The following NOX3 variants were observed in gnomAD, a reference collection of about 807,000 sequenced individuals.
The protein encoded by NOX3 is NADPH oxidase 3.
Under a neutral mutation model 76.7 loss-of-function variants are expected in NOX3, and 74 were observed. The observed-to-expected ratio is 0.96, with a 90% CI of 0.80 to 1.17. The LOEUF is 1.17. NOX3 is among the 50% of genes most tolerant of loss of function. NOX3 has a pLI of 0.00. For missense variants in NOX3, 695 were observed against 703.3 expected (o/e 0.99, Z 0.13); for synonymous variants, 263 against 261.1 (o/e 1.01, Z -0.07).
intron 6 of NOX3, among the ~76,000 whole-genome samples, chr6:155,439,355 G>A (rs1247407600): frequency 6.6e-6 from 1 of 152,184 alleles, no homozygotes; most frequent in Non-Finnish European, 1.5e-5. Flanking sequence ...CTAGCTTCCT[G>A]AAGAAGAGAT....
intron 10 of NOX3, among the ~76,000 whole-genome samples, chr6:155,417,950 T>C (rs1413780159): frequency 6.6e-6 from 1 of 152,206 alleles, no homozygotes; most frequent in Non-Finnish European, 1.5e-5. Flanking sequence ...ATTATGGAGC[T>C]GATGAAGGAA....
At chr6:155,422,138 G>A (rs531366660) in intron 10 of NOX3, among the ~76,000 whole-genome samples, 6 of 152,182 alleles carry the variant, frequency 3.9e-5, no homozygotes, top group South Asian at 2.1e-4. Context: ...GAGGGTCCAA[G>A]TATCGGATGG....
intron 4 of NOX3, 24 bp from the exon 5 acceptor site, chr6:155,443,442 A>C (rs756053854): frequency 1.2e-6 from 2 of 1,609,898 alleles, no homozygotes; most frequent in East Asian, 4.5e-5. Flanking sequence ...ATGACACCAA[A>C]CATGCACCCT....
At chr6:155,453,947 A>G (rs1047916417) in intron 3 of NOX3, among the ~76,000 whole-genome samples, 3 of 152,206 alleles carry the variant, frequency 2.0e-5, no homozygotes, top group Non-Finnish European at 4.4e-5. Flanking sequence ...CCACTGCAAT[A>G]AAGCAAATAT....
rs775671196 is a variant in NOX3 at position 155,436,401 on chromosome 6, C to G, written c.798+17G>C. 1.2e-6 allele frequency: 2 copies of G among 1,613,778 alleles called. No homozygotes were observed. Among genetic ancestry groups the G allele is most frequent in the South Asian group, 2.2e-5 (2 of 91,056 alleles). On this transcript the variant is annotated intron_variant, in intron 7 of 13. Transcript: ENST00000159060. ...GTGGTGACATTTATTTTTAAAAGCTCCTGGGTTCATTCTTACCGAGGGTTC... is the reference window on the plus strand; with the variant it reads ...GTGGTGACATTTATTTTTAAAAGCTGCTGGGTTCATTCTTACCGAGGGTTC...
intron 10 of NOX3, among the ~76,000 whole-genome samples, chr6:155,416,875 C>G (rs950665296): frequency 1.3e-5 from 2 of 151,700 alleles, no homozygotes; most frequent in Admixed American, 6.6e-5. Flanking sequence ...CTCAGCCTCC[C>G]GAGTAGCTGG....
chr6:155,397,715 C>T (rs1198421252), intron 12 of NOX3, among the ~76,000 whole-genome samples: 2 of 152,152 alleles, frequency 1.3e-5, no homozygotes, highest in African/African-American at 2.4e-5. Context: ...TTAGTTATCA[C>T]TAATATCCTG....
At chr6:155,400,162 C>G (rs1458042053) in intron 12 of NOX3, among the ~76,000 whole-genome samples, 1 of 152,180 alleles carries the variant, frequency 6.6e-6, no homozygotes, top group Non-Finnish European at 1.5e-5. Flanking sequence ...TTCAGCGATG[C>G]CATGCATGAA....
chr6:155,439,950 A>G lies in NOX3; in HGVS notation c.668+6T>C, dbSNP rs1179292756. The G allele has an allele frequency of 5.0e-6, 8 of 1,612,798 alleles. No individual in the cohort carries two copies. The highest frequency in any genetic ancestry group is 6.8e-6 in the Non-Finnish European group (8 of 1,179,504). The stretch of plus-strand genomic sequence containing the variant: ...ATCCTTGCAGAGGAGCGCAGTATGG[A>G]CTTACCCCGTCCCATGGATGGCCAG... On this transcript the variant is annotated splice_donor_region_variant and intron_variant, in intron 6 of 13. Transcript: ENST00000159060.
At chr6:155,404,867 A>T (rs1776424461) in intron 12 of NOX3, among the ~76,000 whole-genome samples, 1 of 152,010 alleles carries the variant, frequency 6.6e-6, no homozygotes, top group Non-Finnish European at 1.5e-5. Context: ...GATGGTTATG[A>T]ATCTTGGACA....
At chr6:155,427,149 A>G (rs1440933849) in intron 9 of NOX3, among the ~76,000 whole-genome samples, 1 of 152,042 alleles carries the variant, frequency 6.6e-6, no homozygotes, top group African/African-American at 2.4e-5. Flanking sequence ...TTTCCATTAT[A>G]AAAAAGAAAA....
intron 9 of NOX3, among the ~76,000 whole-genome samples, chr6:155,426,982 G>GGCGTGTGCGTGT (rs375465764): frequency 3.0e-4 from 24 of 78,904 alleles, no homozygotes; most frequent in African/African-American, 1.2e-3. Flanking sequence ...TAGACACTGT[G>GGCGTGTGCGTGT]GCGTGTGTGT....
intron 4 of NOX3, among the ~76,000 whole-genome samples, chr6:155,451,890 A>G (rs185245734): frequency 6.6e-6 from 1 of 152,194 alleles, no homozygotes; most frequent in Non-Finnish European, 1.5e-5. Context: ...AGCCTCCCAA[A>G]GTGCTGGGAT....
At chr6:155,396,749 G>C (rs1197459327) in intron 13 of NOX3, 60 bp downstream of exon 13, 1 of 1,381,150 alleles carries the variant, frequency 7.2e-7, no homozygotes, top group African/African-American at 1.5e-5. Context: ...AATGATTACT[G>C]TTTGGCCCCT....
chr6:155,404,574 G>A (rs1776421205), intron 12 of NOX3, among the ~76,000 whole-genome samples: 1 of 152,216 alleles, frequency 6.6e-6, no homozygotes, highest in East Asian at 1.9e-4. Flanking sequence ...GAGCAAGATT[G>A]TGAGGTTGTG....
At chr6:155,455,673 C>A in intron 1 of NOX3, 80 bp downstream of exon 1, 1 of 1,074,348 alleles carries the variant, frequency 9.3e-7, no homozygotes. Context: ...AGCTATTTAG[C>A]GTTCCTATAC....
chr6:155,453,795 A>T (rs1777176921), intron 3 of NOX3, among the ~76,000 whole-genome samples: 2 of 152,224 alleles, frequency 1.3e-5, no homozygotes, highest in Non-Finnish European at 1.5e-5. Flanking sequence ...AATAGCCATC[A>T]TCCTCATTCA....
intron 7 of NOX3, among the ~76,000 whole-genome samples, chr6:155,432,109 G>A (rs1473262743): frequency 2.0e-5 from 3 of 151,720 alleles, no homozygotes; most frequent in Admixed American, 6.6e-5. Context: ...ATATATTCAC[G>A]AGGTACATAG....
chr6:155,411,339 G>A lies in NOX3; in HGVS notation c.1330C>T (p.Arg444Trp), dbSNP rs904072763. The A allele has an allele frequency of 1.1e-5, 17 of 1,613,264 alleles. No individual in the cohort carries two copies. The highest frequency in any genetic ancestry group is 1.6e-4 in the Middle Eastern group (1 of 6,082). ...AACCACTCAAAAGCTCTTGCATCCC[G>A]GCAAATCCAGTAGAAATACACCTGT... Reference protein sequence around the residue: ...LSKVYFYWICRDARAFEWFAD... With the variant: ...LSKVYFYWICWDARAFEWFAD... Residue 444 changes from arginine (R) to tryptophan (W), a missense_variant, in exon 11 of 14, where the codon CGG becomes TGG. Coordinates refer to ENST00000159060, the MANE Select transcript of NOX3 (RefSeq NM_015718.3).
Sources: gnomAD v4.1 joint callset for allele counts (sites outside exome capture counted in the v4.1 genomes callset) on GRCh38, gnomAD v4.1.1 for gene constraint, MANE v1.5 for transcripts, NCBI Gene and HGNC (gene_info 2026-07-23, HGNC 2026-07-21) for gene names.